Variants in CAMK2A observed in about 807,000 individuals in gnomAD.
The protein encoded by CAMK2A is calcium/calmodulin-dependent protein kinase type II subunit alpha.
A neutral mutation model predicts 79.2 loss-of-function variants in CAMK2A; 7 were observed. The observed-to-expected ratio is 0.09, with a 90% CI of 0.05 to 0.17. The LOEUF (loss-of-function observed/expected upper bound fraction) is 0.17. CAMK2A is among the 10% of genes least tolerant of loss of function. The probability of loss-of-function intolerance (pLI) is 1.00; values close to 1 mark genes in which losing one functional copy is unlikely to be tolerated. For missense variants in CAMK2A, 214 were observed against 646.4 expected (o/e 0.33, Z 7.25); for synonymous variants, 242 against 251.7 (o/e 0.96, Z 0.36).
chr5:150,239,931 T>C (rs371909054), intron 13 of CAMK2A, among the ~76,000 whole-genome samples, 195 bp from the exon 14 acceptor site: 46 of 152,210 alleles, frequency 3.0e-4, no homozygotes, highest in African/African-American at 1.0e-3. Flanking sequence ...GCGGGGCCAG[T>C]CCTCGTCCTG....
intron 1 of CAMK2A, among the ~76,000 whole-genome samples, chr5:150,287,294 G>A (rs577499098): frequency 6.6e-5 from 10 of 152,194 alleles, no homozygotes; most frequent in Non-Finnish European, 1.0e-4. Context: ...GCAACATTTC[G>A]TAGGTTTGTG....
At position 150,248,959 on chromosome 5, in the gene CAMK2A, C is replaced by A. The variant is rs1296411471; in HGVS notation, c.901-1145G>T. On this transcript the variant is annotated intron_variant, in intron 11 of 18. Coordinates refer to ENST00000671881, the MANE Select transcript of CAMK2A (RefSeq NM_015981.4). ...AGACCTGACTTGACACTGTCTGAAT[C>A]CCACTGCTTATGATGTTAAGAATCC... Among the ~76,000 whole-genome samples the A allele has an allele frequency of 5.3e-5, 8 of 152,190 alleles. No homozygotes were observed. In the East Asian group the frequency reaches 1.5e-3, roughly 29 times the overall value.
intron 1 of CAMK2A, among the ~76,000 whole-genome samples, chr5:150,279,334 C>A (rs1355196392): frequency 6.6e-6 from 1 of 152,178 alleles, no homozygotes; most frequent in African/African-American, 2.4e-5. Context: ...CTGAATCAGA[C>A]CGAGCAGAGT....
chr5:150,263,659 C>T (rs1171346208), intron 3 of CAMK2A, among the ~76,000 whole-genome samples: 3 of 152,164 alleles, frequency 2.0e-5, no homozygotes, highest in Non-Finnish European at 4.4e-5. Flanking sequence ...ACACTCCACA[C>T]ACTCTCACAC....
At chr5:150,230,910 G>T (rs997266902) in intron 16 of CAMK2A, among the ~76,000 whole-genome samples, 3 of 152,180 alleles carry the variant, frequency 2.0e-5, no homozygotes, top group Non-Finnish European at 2.9e-5. Flanking sequence ...TCTAGGGTGA[G>T]CACTCAGGCC....
At chr5:150,263,764 C>A (rs980956956) in intron 3 of CAMK2A, among the ~76,000 whole-genome samples, 1 of 152,236 alleles carries the variant, frequency 6.6e-6, no homozygotes, top group Non-Finnish European at 1.5e-5. Context: ...CCCCCTCCAT[C>A]ACACAGCTGG....
In CAMK2A at chr5:150,231,408, A is replaced by T. The variant is rs534056265; in HGVS notation, c.1067-28T>A. On this transcript the variant is annotated intron_variant, in intron 15 of 18. Coordinates refer to ENST00000671881, the MANE Select transcript of CAMK2A (RefSeq NM_015981.4). ...GTAAGGCAGAAGGGGACACAGAAAT[A>T]ATAATAATAATAATAATAATAATAA... The T allele has an allele frequency of 4.1e-4, 69 of 170,230 alleles. No individual in the cohort carries two copies. In the African/African-American group the frequency reaches 0.023, roughly 57 times the overall value. 10.5% of individuals were successfully genotyped at this position (170,230 alleles called of 1,614,324 possible).
chr5:150,233,103 A>G (rs1294436982), intron 15 of CAMK2A, among the ~76,000 whole-genome samples: 1 of 152,192 alleles, frequency 6.6e-6, no homozygotes, highest in Non-Finnish European at 1.5e-5. Flanking sequence ...TCCCTTGCTC[A>G]CTGCGTCCTG....
chr5:150,247,048 T>C (rs543774406), intron 12 of CAMK2A, among the ~76,000 whole-genome samples: 68 of 152,348 alleles, frequency 4.5e-4, no homozygotes, highest in African/African-American at 1.6e-3. Context: ...AAGAGGAGCT[T>C]CTTGCTAAAC....
chr5:150,255,799 T>C (rs1756030664), intron 6 of CAMK2A, among the ~76,000 whole-genome samples: 2 of 152,142 alleles, frequency 1.3e-5, no homozygotes, highest in Admixed American at 1.3e-4. Context: ...GGATCAGGGG[T>C]TAGAAGGCCA....
At chr5:150,287,731 G>A (rs1757481785) in intron 1 of CAMK2A, among the ~76,000 whole-genome samples, 1 of 152,128 alleles carries the variant, frequency 6.6e-6, no homozygotes, top group African/African-American at 2.4e-5. Context: ...TTCTAGGCGA[G>A]CACTGGAAAA....
At chr5:150,267,775 C>G (rs1756575550) in intron 2 of CAMK2A, among the ~76,000 whole-genome samples, 1 of 151,974 alleles carries the variant, frequency 6.6e-6, no homozygotes, top group African/African-American at 2.4e-5. Context: ...AAGGAAGAGT[C>G]CCTTTATCAA....
chr5:150,243,939 A>G (rs541311872), intron 13 of CAMK2A, among the ~76,000 whole-genome samples: 60 of 152,210 alleles, frequency 3.9e-4, no homozygotes, highest in Admixed American at 3.9e-3. Context: ...CCCCTTCCAC[A>G]TCCCACAGCA....
At chr5:150,287,320 C>T (rs116612876) in intron 1 of CAMK2A, among the ~76,000 whole-genome samples, 433 of 152,304 alleles carry the variant, frequency 2.8e-3, no homozygotes, top group African/African-American at 9.6e-3. Context: ...TTCTGGGGAA[C>T]GTAGATTTAG....
rs1754292355 is a variant in CAMK2A at position 150,221,248 on chromosome 5, G to A, written c.*1462C>T. 1.0e-5 allele frequency: 4 copies of A among 396,468 alleles called. No individual in the cohort carries two copies. The highest frequency in any genetic ancestry group is 1.8e-5 in the Non-Finnish European group (4 of 224,958). 24.6% of individuals were successfully genotyped at this position (396,468 alleles called of 1,614,324 possible). On this transcript the variant is annotated 3_prime_UTR_variant, in exon 19 of 19. Transcript: ENST00000671881. ...AACAGTGCAGACAGTAGATCCTAGT[G>A]GATGTGCCAAGGTATTCCACTCAGA...
At position 150,256,452 on chromosome 5, in the gene CAMK2A, C is replaced by T. The variant is rs558129527; in HGVS notation, c.411+121G>A. ...GGGGAAAATAATCTCACCCACCCCA[C>T]CTTCCAGCCTAACACAGAGAAATTA... On this transcript the variant is annotated intron_variant, in intron 6 of 18. Transcript: ENST00000671881. This position sits in a 1 kb window ranked among gnomAD's most constrained non-coding sequence, Gnocchi z 4.6. 2 of 680,620 alleles carry T rather than the reference C, an allele frequency of 2.9e-6. No homozygotes were observed. The highest frequency in any genetic ancestry group is 2.5e-5 in the Admixed American group (1 of 39,234). The allele number at this position is 680,620 out of a possible 1,614,324, so 42.2% of individuals were successfully genotyped here.
chr5:150,289,498 ACC>A (rs1757573905), intron 1 of CAMK2A, 64 bp downstream of exon 1: 1 of 1,230,108 alleles, frequency 8.1e-7, no homozygotes, highest in African/African-American at 1.5e-5. Flanking sequence ...AGGCACACAC[ACC>A]CCACTAGAGA....
intron 1 of CAMK2A, among the ~76,000 whole-genome samples, chr5:150,282,695 C>T (rs1757265500): frequency 6.6e-6 from 1 of 152,254 alleles, no homozygotes; most frequent in African/African-American, 2.4e-5. Flanking sequence ...GAGCCCTCTT[C>T]CCTCCAATAT....
chr5:150,223,314 G>A lies in CAMK2A; in HGVS notation c.1238-97C>T. 3 of 991,510 alleles carry A rather than the reference G, an allele frequency of 3.0e-6. No homozygotes were observed. Among genetic ancestry groups the A allele is most frequent in the Middle Eastern group, 2.8e-4 (1 of 3,630 alleles). The allele number at this position is 991,510 out of a possible 1,614,324, so 61.4% of individuals were successfully genotyped here. A position where few individuals can be genotyped will look rare whatever the true frequency, so the allele number is the denominator to read the frequency against. On this transcript the variant is annotated intron_variant, in intron 17 of 18. Coordinates refer to ENST00000671881, the MANE Select transcript of CAMK2A (RefSeq NM_015981.4). This position sits in a 1 kb window ranked among gnomAD's most constrained non-coding sequence, Gnocchi z 4.1. ...CACTCCCAGCAGCCCTCTCAATGGA[G>A]GCGCCCTGCCTGACTCATTTGCAGG...
Sources: gnomAD v4.1 joint callset for allele counts (sites outside exome capture counted in the v4.1 genomes callset) on GRCh38, gnomAD v4.1.1 for gene constraint, Gnocchi (gnomAD v3.1) non-coding constraint, MANE v1.5 for transcripts, NCBI Gene and HGNC (gene_info 2026-07-23, HGNC 2026-07-21) for gene names.